Variants in ACTR3C observed in about 807,000 individuals in gnomAD.
ACTR3C encodes actin-related protein 3C.
A neutral mutation model predicts 26.3 loss-of-function variants in ACTR3C; 18 were observed. The observed-to-expected ratio is 0.68, with a 90% CI of 0.47 to 1.01. The LOEUF (loss-of-function observed/expected upper bound fraction) is 1.01, where lower values mean the gene tolerates loss of function less well. Among genes scored for constraint, ACTR3C ranks in the 50% least tolerant of loss-of-function variants. ACTR3C has a pLI of 0.00. For synonymous variants in ACTR3C, 55 were observed against 94.5 expected, an observed-to-expected ratio of 0.58 and a Z score of 2.42; for missense variants, 184 against 250.7, an observed-to-expected ratio of 0.73 and a Z score of 1.80.
the ACTR3C span, among the ~76,000 whole-genome samples, chr7:150,158,246 G>T: frequency 0.67 from 101,779 of 151,488 alleles, 34,905 homozygotes; most frequent in East Asian, 0.96. Flanking sequence ...TTGGTGGGAC[G>T]GCAAATTGTT....
At chr7:149,966,163 G>A in the ACTR3C span, among the ~76,000 whole-genome samples, 3 of 152,182 alleles carry the variant, frequency 2.0e-5, no homozygotes, top group African/African-American at 7.2e-5. Context: ...GGAGCTGCAG[G>A]CTGAAGTCTG....
the ACTR3C span, among the ~76,000 whole-genome samples, chr7:150,170,372 A>G: frequency 1.3e-5 from 2 of 150,780 alleles, no homozygotes; most frequent in African/African-American, 5.0e-5. Context: ...GCAAGTCACT[A>G]AACCCAGTCC....
At chr7:149,923,441 A>G in the ACTR3C span, among the ~76,000 whole-genome samples, 5 of 152,196 alleles carry the variant, frequency 3.3e-5, no homozygotes, top group African/African-American at 1.2e-4. Context: ...AGATAAACAC[A>G]AGGAGAAGCA....
the ACTR3C span, among the ~76,000 whole-genome samples, chr7:150,157,941 A>G: frequency 2.4e-4 from 36 of 152,336 alleles, no homozygotes; most frequent in Non-Finnish European, 4.0e-4. Flanking sequence ...TTAAGGCACT[A>G]GAAAGCAGAG....
the ACTR3C span, among the ~76,000 whole-genome samples, chr7:150,155,148 G>A: frequency 6.6e-6 from 1 of 152,124 alleles, no homozygotes; most frequent in Non-Finnish European, 1.5e-5. Flanking sequence ...AGATGAAAGA[G>A]GAGAAAAAAG....
chr7:150,110,766 G>A, the ACTR3C span, among the ~76,000 whole-genome samples: 3 of 143,172 alleles, frequency 2.1e-5, no homozygotes, highest in Non-Finnish European at 4.6e-5. Context: ...GGCTTGCTGG[G>A]GGACTGGCTC....
the ACTR3C span, among the ~76,000 whole-genome samples, chr7:150,095,712 A>G: frequency 6.7e-6 from 1 of 150,192 alleles, no homozygotes; most frequent in East Asian, 1.9e-4. Context: ...ATCTTTTGAC[A>G]TAACGGACTA....
the ACTR3C span, among the ~76,000 whole-genome samples, chr7:150,134,150 T>C: frequency 2.0e-5 from 3 of 150,374 alleles, no homozygotes; most frequent in East Asian, 3.9e-4. Context: ...AACACAAGTA[T>C]ACATATGTAA....
chr7:150,007,421 CA>C, the ACTR3C span, among the ~76,000 whole-genome samples: 1 of 152,200 alleles, frequency 6.6e-6, no homozygotes, highest in Non-Finnish European at 1.5e-5. Flanking sequence ...TAAAGGTGGA[CA>C]GGGCTTAGGA....
chr7:149,892,238 TAC>T, the ACTR3C span: 1 of 1,438,310 alleles, frequency 7.0e-7, no homozygotes, highest in Non-Finnish European at 9.5e-7. Flanking sequence ...CCTACTGCTC[TAC>T]ACTTAGAGAA....
At chr7:150,163,110 C>T in the ACTR3C span, among the ~76,000 whole-genome samples, 2 of 151,166 alleles carry the variant, frequency 1.3e-5, no homozygotes, top group African/African-American at 4.9e-5. Flanking sequence ...GTCGAGATCA[C>T]ACCACTGCAC....
the ACTR3C span, among the ~76,000 whole-genome samples, chr7:150,123,667 C>T: frequency 1.3e-5 from 2 of 151,728 alleles, no homozygotes; most frequent in African/African-American, 4.9e-5. Context: ...ACCATGTTAA[C>T]CTTTGGGCCA....
At chr7:150,186,512 A>G in the ACTR3C span, among the ~76,000 whole-genome samples, 1 of 152,158 alleles carries the variant, frequency 6.6e-6, no homozygotes, top group East Asian at 1.9e-4. Context: ...AGGATAAAAA[A>G]CACGTTCTGG....
At chr7:150,003,655 AGT>A in the ACTR3C span, among the ~76,000 whole-genome samples, 79 of 146,632 alleles carry the variant, frequency 5.4e-4, no homozygotes, top group African/African-American at 1.9e-3. Flanking sequence ...TGGGGTTTGG[AGT>A]GTGTGTGGTA....
the ACTR3C span, among the ~76,000 whole-genome samples, chr7:150,157,652 G>A: frequency 6.9e-3 from 1,055 of 152,254 alleles, 15 homozygotes; most frequent in African/African-American, 0.024. Flanking sequence ...ACTGCACCAA[G>A]GAAAGGGCTG....
chr7:150,087,298 A>T, the ACTR3C span, among the ~76,000 whole-genome samples: 2 of 152,162 alleles, frequency 1.3e-5, no homozygotes, highest in Admixed American at 1.3e-4. Flanking sequence ...AAATTTAAAC[A>T]TGGCAACAAA....
At chr7:149,929,866 G>A in the ACTR3C span, among the ~76,000 whole-genome samples, 1 of 152,100 alleles carries the variant, frequency 6.6e-6, no homozygotes, top group African/African-American at 2.4e-5. Context: ...AATAGTAACT[G>A]AACAGTGAAG....
the ACTR3C span, among the ~76,000 whole-genome samples, chr7:149,981,265 C>G: frequency 6.6e-6 from 1 of 151,896 alleles, no homozygotes; most frequent in Non-Finnish European, 1.5e-5. Flanking sequence ...TTTTTCAATC[C>G]CAAGACCTCA....
chr7:150,318,101 T>C (rs1797118144), intron 1 of ACTR3C, among the ~76,000 whole-genome samples: 1 of 152,200 alleles, frequency 6.6e-6, no homozygotes, highest in African/African-American at 2.4e-5. Context: ...ATAATTCTTA[T>C]GGAGAAGACG....
Sources: allele counts gnomAD v4.1 joint callset (sites outside exome capture counted in the v4.1 genomes callset), GRCh38; gene constraint gnomAD v4.1.1; transcripts MANE v1.5; gene names NCBI Gene and HGNC (gene_info 2026-07-23, HGNC 2026-07-21).